LIN52: variants seen among roughly 807,000 people sequenced by gnomAD.
LIN52 encodes protein lin-52 homolog.
Under a neutral mutation model 18.5 loss-of-function variants are expected in LIN52, and 4 were observed. The ratio of observed to expected loss-of-function variants is 0.22; its 90% CI spans 0.11 to 0.49. LIN52 has a LOEUF of 0.49. Among genes scored for constraint, LIN52 ranks in the 20% least tolerant of loss-of-function variants. The probability of loss-of-function intolerance (pLI) is 0.97; values close to 1 mark genes in which losing one functional copy is unlikely to be tolerated. For missense variants in LIN52, 102 were observed against 139.5 expected (o/e 0.73, Z 1.35); for synonymous variants, 34 against 45.5 (o/e 0.75, Z 1.02).
intron 5 of LIN52, among the ~76,000 whole-genome samples, chr14:74,123,299 G>A (rs367746626): frequency 6.6e-6 from 1 of 152,174 alleles, no homozygotes. Context: ...GGAGCATAAA[G>A]GATGGGTTCT....
chr14:74,133,825 T>C (rs2061081943), intron 5 of LIN52, among the ~76,000 whole-genome samples: 1 of 152,230 alleles, frequency 6.6e-6, no homozygotes, highest in African/African-American at 2.4e-5. Flanking sequence ...TTCCATTTAT[T>C]GCTTGTTGCA....
intron 5 of LIN52, among the ~76,000 whole-genome samples, chr14:74,130,948 A>T (rs1280124320): frequency 6.7e-6 from 1 of 149,500 alleles, no homozygotes; most frequent in East Asian, 1.9e-4. Context: ...ATGAATTAAA[A>T]TTTTTATTAT....
At chr14:74,124,810 CAAAAAAAA>C (rs5809648) in intron 5 of LIN52, among the ~76,000 whole-genome samples, 2 of 59,442 alleles carry the variant, frequency 3.4e-5, no homozygotes, top group East Asian at 5.9e-4. Flanking sequence ...GACCCTGTCT[CAAAAAAAA>C]AAAAAAAAAA....
At chr14:74,155,339 A>G (rs1218108347) in intron 5 of LIN52, among the ~76,000 whole-genome samples, 1 of 152,242 alleles carries the variant, frequency 6.6e-6, no homozygotes, top group Non-Finnish European at 1.5e-5. Context: ...ATGAATTGTG[A>G]CCTATTAATA....
At chr14:74,085,144 C>A (rs865886338) in intron 1 of LIN52, 151 bp downstream of exon 1, 2 of 678,574 alleles carry the variant, frequency 2.9e-6, no homozygotes, top group African/African-American at 1.9e-5. Context: ...TCGCCGTCTT[C>A]AGCTCACCGG....
At chr14:74,198,790 A>ATGAT in intron 5 of LIN52, 132 bp from the exon 6 acceptor site, 1 of 680,628 alleles carries the variant, frequency 1.5e-6, no homozygotes, top group Non-Finnish European at 2.6e-6. Flanking sequence ...TTAGTTGGTG[A>ATGAT]TGATTGAATC....
At chr14:74,125,095 A>T (rs1223224411) in intron 5 of LIN52, among the ~76,000 whole-genome samples, 1 of 152,214 alleles carries the variant, frequency 6.6e-6, no homozygotes, top group African/African-American at 2.4e-5. Context: ...CAATTAAGAA[A>T]TTAGCATGTT....
intron 5 of LIN52, among the ~76,000 whole-genome samples, chr14:74,178,021 C>G (rs2061301274): frequency 6.6e-6 from 1 of 152,066 alleles, no homozygotes; most frequent in African/African-American, 2.4e-5. Flanking sequence ...TCAAGTGATT[C>G]ACCTGCCTCG....
intron 3 of LIN52, among the ~76,000 whole-genome samples, chr14:74,096,802 T>C (rs762345174): frequency 2.0e-5 from 3 of 152,184 alleles, no homozygotes; most frequent in Non-Finnish European, 2.9e-5. Flanking sequence ...GCTCTACTTT[T>C]TCCACTGGAC....
At chr14:74,169,823 A>T (rs898589556) in intron 5 of LIN52, among the ~76,000 whole-genome samples, 2 of 152,230 alleles carry the variant, frequency 1.3e-5, no homozygotes, top group African/African-American at 4.8e-5. Flanking sequence ...TGAGATACTT[A>T]TCCAGTGAGG....
At chr14:74,112,276 C>CT (rs750837277) in intron 5 of LIN52, among the ~76,000 whole-genome samples, 21 of 151,556 alleles carry the variant, frequency 1.4e-4, no homozygotes, top group East Asian at 3.9e-4. Flanking sequence ...ATCTCTTCAT[C>CT]TTTTTTTACA....
chr14:74,196,954 C>A (rs916186980), intron 5 of LIN52, among the ~76,000 whole-genome samples: 1 of 152,196 alleles, frequency 6.6e-6, no homozygotes, highest in African/African-American at 2.4e-5. Flanking sequence ...CCTGTGTTCT[C>A]TGCAAGAAGC....
At position 74,102,779 on chromosome 14, in the gene LIN52, G is replaced by T. The variant is rs184474930; in HGVS notation, c.283+1541G>T. Among the ~76,000 whole-genome samples the T allele has an allele frequency of 1.5e-4, 23 of 152,278 alleles. No individual in the cohort carries two copies. The East Asian group carries it at 2.3e-3, about 15-fold the overall frequency. On this transcript the variant is annotated intron_variant, in intron 5 of 5. Coordinates refer to ENST00000555028, the MANE Select transcript of LIN52 (RefSeq NM_001024674.3). ...ATATTACCAAATAGATTTGTCAGTAGTATTATCTATAGTTATAGCTGAAAT... is the reference window on the plus strand; with the variant it reads ...ATATTACCAAATAGATTTGTCAGTATTATTATCTATAGTTATAGCTGAAAT...
Position 74,199,348 on chromosome 14 carries a change from G to A in LIN52, c.*371G>A, listed in dbSNP as rs932794430. ...TGACTCAGTCATGGCAGTCAGTTGT[G>A]ACATGTTGATTGGATGGGTTCTTTT... On this transcript the variant is annotated 3_prime_UTR_variant, in exon 6 of 6. Transcript: ENST00000555028. 4.4e-5 allele frequency: 8 copies of A among 180,714 alleles called. No individual in the cohort carries two copies. The highest frequency in any genetic ancestry group is 9.3e-5 in the Non-Finnish European group (8 of 86,340). The allele number at this position is 180,714 out of a possible 1,614,324, so 11.2% of individuals were successfully genotyped here. A position where few individuals can be genotyped will look rare whatever the true frequency, so the allele number is the denominator to read the frequency against.
intron 5 of LIN52, among the ~76,000 whole-genome samples, chr14:74,184,126 G>C (rs1353330498): frequency 6.6e-6 from 1 of 152,108 alleles, no homozygotes; most frequent in Admixed American, 6.5e-5. Flanking sequence ...TGTCACCCAG[G>C]CTGGAGTGCA....
chr14:74,121,923 A>G (rs769913345), intron 5 of LIN52, among the ~76,000 whole-genome samples: 5 of 152,102 alleles, frequency 3.3e-5, no homozygotes, highest in Non-Finnish European at 5.9e-5. Context: ...GGGTTTCACC[A>G]TGTTGGACAG....
Position 74,150,405 on chromosome 14 carries a change from C to A in LIN52, c.284-48517C>A, listed in dbSNP as rs115458028. On this transcript the variant is annotated intron_variant, in intron 5 of 5. Coordinates refer to ENST00000555028, the MANE Select transcript of LIN52 (RefSeq NM_001024674.3). ...GAATGAATCTCAAGAATATATATAACATTGAATGATGAAGCTAGACACAAA... is the reference window on the plus strand; with the variant it reads ...GAATGAATCTCAAGAATATATATAAAATTGAATGATGAAGCTAGACACAAA... Among the ~76,000 whole-genome samples the A allele has an allele frequency of 6.2e-3, 940 of 152,274 alleles. 10 individuals are homozygous for A. Among genetic ancestry groups the A allele is most frequent in the African/African-American group, 0.022 (899 of 41,550 alleles).
At chr14:74,133,471 A>G (rs1465052358) in intron 5 of LIN52, among the ~76,000 whole-genome samples, 1 of 152,228 alleles carries the variant, frequency 6.6e-6, no homozygotes, top group Non-Finnish European at 1.5e-5. Flanking sequence ...GATTTGCTTT[A>G]TTGTAACAAG....
At chr14:74,121,892 T>G (rs1430226970) in intron 5 of LIN52, among the ~76,000 whole-genome samples, 1 of 152,036 alleles carries the variant, frequency 6.6e-6, no homozygotes, top group Admixed American at 6.6e-5. Flanking sequence ...GTGGCTAATT[T>G]TTGGATTTTT....
Sources: allele counts gnomAD v4.1 joint callset (sites outside exome capture counted in the v4.1 genomes callset), GRCh38; gene constraint gnomAD v4.1.1; transcripts MANE v1.5; gene names NCBI Gene and HGNC (gene_info 2026-07-23, HGNC 2026-07-21).